FHIT: variants seen among roughly 807,000 people sequenced by gnomAD.
FHIT encodes the protein bis(5'-adenosyl)-triphosphatase.
A neutral mutation model predicts 17.9 loss-of-function variants in FHIT; 19 were observed. That is an observed-to-expected ratio of 1.06 (90% CI 0.74 to 1.56). The LOEUF (loss-of-function observed/expected upper bound fraction) is 1.56. FHIT is among the 40% of genes most tolerant of loss of function. The pLI is 0.00. For missense variants in FHIT, 248 were observed against 189.2 expected, an observed-to-expected ratio of 1.31 and a Z score of -1.82; for synonymous variants, 81 against 69.7, an observed-to-expected ratio of 1.16 and a Z score of -0.81.
chr3:59,772,047 C>T lies in FHIT; in HGVS notation c.349-19726G>A, dbSNP rs572747001. On this transcript the variant is annotated intron_variant, in intron 8 of 9. Coordinates refer to ENST00000492590, the MANE Select transcript of FHIT (RefSeq NM_002012.4). ...CTAAAACAAACACATAACATGCACT[C>T]GCACAACCTTGACCAGGACAGTCCC... 7.2e-5 allele frequency among the ~76,000 whole-genome samples: 11 copies of T among 152,318 alleles called. No homozygotes were observed. The East Asian group carries it at 7.7e-4, about 11-fold the overall frequency.
chr3:61,144,434 C>T (rs1272414713), intron 2 of FHIT, among the ~76,000 whole-genome samples: 2 of 152,158 alleles, frequency 1.3e-5, no homozygotes, highest in African/African-American at 2.4e-5. Context: ...TTTGTTTATC[C>T]ATTCATTGTA....
At chr3:60,293,197 C>T (rs1219892315) in intron 5 of FHIT, among the ~76,000 whole-genome samples, 2 of 151,928 alleles carry the variant, frequency 1.3e-5, no homozygotes, top group Non-Finnish European at 2.9e-5. Context: ...GAAGAGGAGC[C>T]TAAATATGAT....
chr3:60,684,159 G>A (rs1404979231), intron 4 of FHIT, among the ~76,000 whole-genome samples: 1 of 152,066 alleles, frequency 6.6e-6, no homozygotes, highest in Non-Finnish European at 1.5e-5. Flanking sequence ...AAATTAAGAT[G>A]TTTAAGAGCA....
intron 5 of FHIT, among the ~76,000 whole-genome samples, chr3:60,212,336 T>C (rs2107518584): frequency 6.6e-6 from 1 of 152,180 alleles, no homozygotes; most frequent in Non-Finnish European, 1.5e-5. Context: ...AGTGGTATGC[T>C]TTGGTAGAAA....
chr3:59,815,889 TA>T (rs200494306), intron 8 of FHIT, among the ~76,000 whole-genome samples: 1,968 of 148,560 alleles, frequency 0.013, 23 homozygotes, highest in Admixed American at 0.02. Flanking sequence ...CCTATAGAAA[TA>T]AAAAAAAAAT....
intron 5 of FHIT, among the ~76,000 whole-genome samples, chr3:60,496,644 C>G (rs940780832): frequency 6.6e-6 from 1 of 152,134 alleles, no homozygotes; most frequent in East Asian, 1.9e-4. Context: ...GGTAAATATT[C>G]TACAGAGAGA....
chr3:59,865,229 T>A (rs650247), intron 8 of FHIT, among the ~76,000 whole-genome samples: 26,545 of 152,258 alleles, frequency 0.17, 2,414 homozygotes, highest in Non-Finnish European at 0.19. Context: ...GGGATTAGCA[T>A]TATTATAGAA....
chr3:60,473,716 C>T (rs979776636), intron 5 of FHIT, among the ~76,000 whole-genome samples: 7 of 152,144 alleles, frequency 4.6e-5, no homozygotes, highest in South Asian at 2.1e-4. Flanking sequence ...CTCAGGAGTT[C>T]GAGACCAGCC....
intron 2 of FHIT, among the ~76,000 whole-genome samples, chr3:61,076,566 G>A (rs1276986085): frequency 2.0e-5 from 3 of 152,068 alleles, no homozygotes; most frequent in Non-Finnish European, 4.4e-5. Context: ...ATTTTTATAT[G>A]GGAAGTCTGT....
intron 8 of FHIT, among the ~76,000 whole-genome samples, chr3:59,918,129 A>G (rs535166942): frequency 6.6e-6 from 1 of 152,334 alleles, no homozygotes; most frequent in East Asian, 1.9e-4. Context: ...GAGTTAGTGA[A>G]TTGACCGTCT....
intron 2 of FHIT, among the ~76,000 whole-genome samples, chr3:61,044,002 G>C (rs932333109): frequency 1.3e-5 from 2 of 152,044 alleles, no homozygotes; most frequent in Non-Finnish European, 2.9e-5. Flanking sequence ...AAGACCAAAG[G>C]TACATAAAAC....
intron 5 of FHIT, among the ~76,000 whole-genome samples, chr3:60,460,588 G>T (rs1163309558): frequency 6.6e-6 from 1 of 151,998 alleles, no homozygotes; most frequent in Non-Finnish European, 1.5e-5. Flanking sequence ...GATCCACCTT[G>T]GTAAAATAAA....
chr3:60,764,195 G>A (rs1699766120), intron 4 of FHIT, among the ~76,000 whole-genome samples: 1 of 151,978 alleles, frequency 6.6e-6, no homozygotes. Context: ...GGAGTTGATG[G>A]GGCATGCTAT....
rs547744539 is a variant in FHIT at position 59,784,714 on chromosome 3, C to T, written c.349-32393G>A. The stretch of plus-strand genomic sequence containing the variant: ...AAAGTCAGTTCGGTGCTCCTTTGTC[C>T]TTCCTGCACCAAGGCTTATTGATCA... On this transcript the variant is annotated intron_variant, in intron 8 of 9. Transcript: ENST00000492590. Among the ~76,000 whole-genome samples, 129 of 152,302 alleles carry T rather than the reference C, an allele frequency of 8.5e-4. No homozygotes were observed. The Middle Eastern group carries it at 0.01, about 12-fold the overall frequency.
intron 4 of FHIT, among the ~76,000 whole-genome samples, chr3:60,547,030 A>T (rs375409005): frequency 1.3e-5 from 2 of 152,340 alleles, no homozygotes; most frequent in African/African-American, 4.8e-5. Flanking sequence ...CATTAAAAAG[A>T]TTAAGAGTCA....
chr3:61,106,834 T>C (rs2036005127), intron 2 of FHIT, among the ~76,000 whole-genome samples: 1 of 152,144 alleles, frequency 6.6e-6, no homozygotes, highest in African/African-American at 2.4e-5. Flanking sequence ...CTAATTTTTG[T>C]ATTTTTAGTA....
intron 5 of FHIT, among the ~76,000 whole-genome samples, chr3:60,096,746 A>G (rs1703965594): frequency 6.6e-6 from 1 of 152,168 alleles, no homozygotes; most frequent in Non-Finnish European, 1.5e-5. Flanking sequence ...GACAAAGAAA[A>G]ACAAACTGCT....
chr3:60,243,340 G>T (rs1246601281), intron 5 of FHIT, among the ~76,000 whole-genome samples: 1 of 152,076 alleles, frequency 6.6e-6, no homozygotes, highest in Non-Finnish European at 1.5e-5. Context: ...TTCTAGTGGG[G>T]CAAACAAAGA....
intron 3 of FHIT, among the ~76,000 whole-genome samples, chr3:60,973,673 A>G (rs1395603860): frequency 6.6e-6 from 1 of 152,178 alleles, no homozygotes; most frequent in Non-Finnish European, 1.5e-5. Context: ...AGCTGGTCAC[A>G]TTCTCATCAT....
Sources: gnomAD v4.1 joint callset for allele counts (sites outside exome capture counted in the v4.1 genomes callset) on GRCh38, gnomAD v4.1.1 for gene constraint, MANE v1.5 for transcripts, NCBI Gene and HGNC (gene_info 2026-07-23, HGNC 2026-07-21) for gene names.